Variants in TECTA observed in about 807,000 individuals in gnomAD.
The protein encoded by TECTA is alpha-tectorin.
In TECTA, 128 loss-of-function variants were observed where a neutral mutation model predicts 216.8. The observed-to-expected ratio is 0.59, with a 90% CI of 0.51 to 0.68. The LOEUF (loss-of-function observed/expected upper bound fraction) is 0.68. Among genes scored for constraint, TECTA ranks in the 30% least tolerant of loss-of-function variants. The probability of loss-of-function intolerance (pLI) is 0.00; values close to 1 mark genes in which losing one functional copy is unlikely to be tolerated. For missense variants in TECTA, 2,551 were observed against 2,786.2 expected, an observed-to-expected ratio of 0.92 and a Z score of 1.90; for synonymous variants, 1,089 against 1,117.1, an observed-to-expected ratio of 0.97 and a Z score of 0.50.
intron 11 of TECTA, among the ~76,000 whole-genome samples, chr11:121,140,358 T>C (rs1296704880): frequency 6.6e-6 from 1 of 152,184 alleles, no homozygotes; most frequent in East Asian, 1.9e-4. Context: ...CCCTCTACTT[T>C]AGGGTTAAGC....
Position 121,162,310 on chromosome 11 carries a change from G to T in TECTA, c.5212G>T (p.Gly1738Trp), listed in dbSNP as rs530601752. The T allele has an allele frequency of 3.5e-5, 57 of 1,613,352 alleles. No homozygotes were observed. The highest frequency in any genetic ancestry group is 4.8e-5 in the Non-Finnish European group (57 of 1,180,046). The part of the protein sequence containing the change: ...FQLCGSLAAY[G>W]EACRSFGILS... The stretch of plus-strand genomic sequence containing the variant: ...GCTGTGCGGCTCCCTGGCCGCCTAC[G>T]GGGAGGCCTGCCGCTCCTTCGGGAT... Residue 1738 changes from glycine (G) to tryptophan (W), a missense_variant, in exon 16 of 24, where the codon GGG becomes TGG. By Grantham distance (184) the Gly-to-Trp change is radical. This residue lies in a region of TECTA where 2,375 missense variants were observed against 2,563.9 expected (regional missense o/e 0.93). Transcript: ENST00000392793.
chr11:121,102,635 T>A, intron 1 of TECTA, 30 bp from the exon 2 acceptor site: 7 of 1,588,424 alleles, frequency 4.4e-6, no homozygotes, highest in Non-Finnish European at 6.0e-6. Context: ...AGCTGGGGAT[T>A]TTTTTTTCAT....
At chr11:121,157,370 T>G (rs1354488439) in intron 13 of TECTA, among the ~76,000 whole-genome samples, 1 of 152,088 alleles carries the variant, frequency 6.6e-6, no homozygotes, top group Non-Finnish European at 1.5e-5. Context: ...TTTGGGAGGC[T>G]GAGGCAGGAG....
chr11:121,145,868 C>T lies in TECTA; in HGVS notation c.3857C>T (p.Pro1286Leu), dbSNP rs770133038. The T allele has an allele frequency of 2.0e-5, 33 of 1,614,120 alleles. No homozygotes were observed. The highest frequency in any genetic ancestry group is 3.3e-5 in the Admixed American group (2 of 60,006). Residue 1286 changes from proline (P) to leucine (L), a missense_variant, in exon 12 of 24, where the codon CCG (proline) becomes CTG (leucine). Around this residue, in one of 3 missense-constraint regions of TECTA, gnomAD observed 2,375 missense variants for 2,563.9 expected, o/e 0.93. Coordinates refer to ENST00000392793, the MANE Select transcript of TECTA (RefSeq NM_005422.4). ...CAGGTGGGCTGTGGGGACCGCTGTC[C>T]GTCCTGTGCCAAGGTGGAAGGTTTC... The part of the protein sequence containing the change: ...FCQVGCGDRC[P>L]SCAKVEGFSK...
At chr11:121,147,713 G>A (rs974749178) in intron 12 of TECTA, among the ~76,000 whole-genome samples, 1 of 152,172 alleles carries the variant, frequency 6.6e-6, no homozygotes, top group East Asian at 1.9e-4. Context: ...TGTTTTGGAA[G>A]GGAAAGCTCT....
At chr11:121,109,773 T>A in intron 4 of TECTA, 1 of 444,966 alleles carries the variant, frequency 2.2e-6, no homozygotes, top group South Asian at 2.1e-5. Context: ...CTGCTGTAAG[T>A]GACATTGCTG....
At chr11:121,106,553 TG>T (rs1391220729) in intron 3 of TECTA, among the ~76,000 whole-genome samples, 1 of 152,176 alleles carries the variant, frequency 6.6e-6, no homozygotes, top group East Asian at 1.9e-4. Context: ...CTCAGGTTTT[TG>T]TTTTTGGTTT....
chr11:121,134,423 T>C (rs549826347), intron 10 of TECTA, among the ~76,000 whole-genome samples: 1 of 152,078 alleles, frequency 6.6e-6, no homozygotes, highest in East Asian at 1.9e-4. Flanking sequence ...TTAGTGGTTG[T>C]CATCTCAGAA....
chr11:121,106,019 T>C (rs894460539), intron 3 of TECTA, 55 bp downstream of exon 3: 15 of 1,613,602 alleles, frequency 9.3e-6, no homozygotes, highest in Non-Finnish European at 1.2e-5. Flanking sequence ...TTGTTTGTCA[T>C]TAAGAAAAGC....
chr11:121,154,507 C>T (rs1946922871), intron 13 of TECTA, among the ~76,000 whole-genome samples: 1 of 152,164 alleles, frequency 6.6e-6, no homozygotes, highest in Admixed American at 6.5e-5. Context: ...TATAACCAGG[C>T]TCAAAACTCA....
chr11:121,130,243 T>C, intron 10 of TECTA, 32 bp downstream of exon 10: 1 of 1,596,968 alleles, frequency 6.3e-7, no homozygotes, highest in Non-Finnish European at 8.5e-7. Flanking sequence ...GGAGAGGCTT[T>C]CTAGCTGGGA....
intron 7 of TECTA, among the ~76,000 whole-genome samples, chr11:121,120,242 G>A (rs564979391): frequency 3.3e-5 from 5 of 152,204 alleles, no homozygotes; most frequent in East Asian, 1.9e-4. Context: ...CTGTTCCATC[G>A]TCCAAGCATA....
At position 121,119,011 on chromosome 11, in the gene TECTA, AC is replaced by A. The variant is rs1946531018; in HGVS notation, c.1203+294del. 5.6e-3 allele frequency among the ~76,000 whole-genome samples: 842 copies of A among 149,690 alleles called. 11 individuals carry two copies. Among genetic ancestry groups the A allele is most frequent in the Middle Eastern group, 0.051 (15 of 294 alleles). ...CTGATAGGCACACACACACACACAC[AC>A]ACACACACACACACACACACACACA... On this transcript the variant is annotated intron_variant, in intron 7 of 23. Coordinates refer to ENST00000392793, the MANE Select transcript of TECTA (RefSeq NM_005422.4).
At chr11:121,189,983 TC>T in intron 23 of TECTA, 103 bp downstream of exon 23, 1 of 927,496 alleles carries the variant, frequency 1.1e-6, no homozygotes, top group Middle Eastern at 3.2e-4. Flanking sequence ...TCAGCAACTC[TC>T]CCTCGAAAAC....
intron 7 of TECTA, among the ~76,000 whole-genome samples, chr11:121,120,918 G>A (rs1023928688): frequency 3.3e-5 from 5 of 152,186 alleles, no homozygotes. Context: ...ACTGCCAGCT[G>A]AGTGGCCTGT....
rs888528954 is a variant in TECTA at position 121,160,423 on chromosome 11, T to G, written c.4976+2T>G. The G allele has an allele frequency of 6.2e-7, 1 of 1,608,092 alleles. No homozygotes were observed. The highest frequency in any genetic ancestry group is 8.5e-7 in the Non-Finnish European group (1 of 1,179,622). ...GAAAACCAATGGCATGCAGAAGAGGTGAGGGTGTAGGAGTTCAAGCCACTA... is the reference window on the plus strand; with the variant it reads ...GAAAACCAATGGCATGCAGAAGAGGGGAGGGTGTAGGAGTTCAAGCCACTA... On this transcript the variant is annotated splice_donor_variant, in intron 15 of 23. Transcript: ENST00000392793. LOFTEE classifies it high-confidence loss of function.
At chr11:121,131,070 CG>C (rs1415362798) in intron 10 of TECTA, among the ~76,000 whole-genome samples, 1 of 151,966 alleles carries the variant, frequency 6.6e-6, no homozygotes, top group African/African-American at 2.4e-5. Context: ...AAAAATTAGC[CG>C]GGCGTGGTGG....
At chr11:121,156,447 G>A (rs1173765831) in intron 13 of TECTA, among the ~76,000 whole-genome samples, 2 of 152,070 alleles carry the variant, frequency 1.3e-5, no homozygotes, top group African/African-American at 2.4e-5. Flanking sequence ...AGGTTCAAAC[G>A]ATTCTCCTGC....
chr11:121,132,168 C>A (rs1218833607), intron 10 of TECTA, among the ~76,000 whole-genome samples: 1 of 152,138 alleles, frequency 6.6e-6, no homozygotes, highest in Non-Finnish European at 1.5e-5. Flanking sequence ...ATGGCTCCTG[C>A]ATTCATTAGT....
Sources: allele counts gnomAD v4.1 joint callset (sites outside exome capture counted in the v4.1 genomes callset), GRCh38; gene constraint gnomAD v4.1.1; regional missense constraint gnomAD v4.1.1; transcripts MANE v1.5; gene names NCBI Gene and HGNC (gene_info 2026-07-23, HGNC 2026-07-21).